ZMIZ1: variants seen among roughly 807,000 people sequenced by gnomAD.
ZMIZ1 encodes the protein zinc finger MIZ domain-containing protein 1.
ZMIZ1 carries 17 observed loss-of-function variants against 113.9 expected under a neutral mutation model. The ratio of observed to expected loss-of-function variants is 0.15; its 90% confidence interval spans 0.10 to 0.22. The LOEUF (loss-of-function observed/expected upper bound fraction) is 0.22. Among genes scored for constraint, ZMIZ1 ranks in the 10% least tolerant of loss-of-function variants. ZMIZ1 has a pLI of 1.00. For synonymous variants in ZMIZ1, 607 were observed against 603.1 expected (o/e 1.01, Z -0.09); for missense variants, 1,059 against 1,477.8 (o/e 0.72, Z 4.65).
At chr10:79,284,253 G>A (rs1041003976) in intron 8 of ZMIZ1, among the ~76,000 whole-genome samples, 2 of 152,202 alleles carry the variant, frequency 1.3e-5, no homozygotes, top group African/African-American at 2.4e-5. Context: ...GCAGTGCAGA[G>A]AGCTCTCTAT....
intron 3 of ZMIZ1, among the ~76,000 whole-genome samples, chr10:79,143,634 G>T (rs570407867): frequency 6.6e-6 from 1 of 152,176 alleles, no homozygotes; most frequent in Admixed American, 6.5e-5. Context: ...GTGGTGGGGG[G>T]ACAGGTAAAG....
intron 2 of ZMIZ1, among the ~76,000 whole-genome samples, chr10:79,138,108 A>G (rs1267047066): frequency 6.6e-6 from 1 of 152,114 alleles, no homozygotes; most frequent in African/African-American, 2.4e-5. Flanking sequence ...AGGGTCTCCA[A>G]CCTGTGGGCA....
At chr10:79,231,517 T>C (rs1342801029) in intron 7 of ZMIZ1, among the ~76,000 whole-genome samples, 1 of 151,978 alleles carries the variant, frequency 6.6e-6, no homozygotes, top group Admixed American at 6.5e-5. Context: ...GTGCTAAGAT[T>C]ATAGGTGTGA....
chr10:79,262,472 C>G (rs778945592), intron 7 of ZMIZ1, among the ~76,000 whole-genome samples: 1 of 152,252 alleles, frequency 6.6e-6, no homozygotes, highest in Non-Finnish European at 1.5e-5. Context: ...GTGTGTTACA[C>G]TGAGTAACAG....
chr10:79,172,869 C>A (rs932654403), intron 4 of ZMIZ1, among the ~76,000 whole-genome samples: 1 of 152,208 alleles, frequency 6.6e-6, no homozygotes, highest in South Asian at 2.1e-4. Context: ...TGGGCCCTTC[C>A]CCTGAATTGG....
chr10:79,198,133 C>A (rs1246314946), intron 4 of ZMIZ1, among the ~76,000 whole-genome samples: 1 of 152,016 alleles, frequency 6.6e-6, no homozygotes, highest in African/African-American at 2.4e-5. Context: ...GTGGTGGGCG[C>A]CTGTAGTCCC....
rs1844315195 is a variant in ZMIZ1 at position 79,122,096 on chromosome 10, C to T, written c.-227+3072C>T. ...CCTGTGTGACGGCCAGTGAAGCCAA[C>T]CCTGCTTGAGTAAGTGTAGCAATTG... On this transcript the variant is annotated intron_variant, in intron 2 of 24. Coordinates refer to ENST00000334512, the MANE Select transcript of ZMIZ1 (RefSeq NM_020338.4). 3.3e-5 allele frequency among the ~76,000 whole-genome samples: 5 copies of T among 152,120 alleles called. No individual in the cohort carries two copies. The South Asian group carries it at 1.0e-3, about 32-fold the overall frequency.
intron 3 of ZMIZ1, among the ~76,000 whole-genome samples, chr10:79,150,550 C>T (rs887899002): frequency 1.3e-5 from 2 of 152,228 alleles, no homozygotes; most frequent in African/African-American, 4.8e-5. Context: ...GGCTCTTGGT[C>T]TGGGATCCTC....
chr10:79,184,313 G>A (rs1847258365), intron 4 of ZMIZ1, among the ~76,000 whole-genome samples: 1 of 152,194 alleles, frequency 6.6e-6, no homozygotes, highest in Non-Finnish European at 1.5e-5. Context: ...TGCACACACA[G>A]CATTGTGAGC....
chr10:79,311,477 C>G (rs760280043), intron 24 of ZMIZ1, among the ~76,000 whole-genome samples: 16 of 152,176 alleles, frequency 1.1e-4, no homozygotes, highest in Admixed American at 2.6e-4. Flanking sequence ...TTGCGCAGCA[C>G]AGGAGGGTCC....
At chr10:79,305,993 G>T in intron 21 of ZMIZ1, 107 bp from the exon 22 acceptor site, 1 of 1,503,916 alleles carries the variant, frequency 6.6e-7, no homozygotes, top group Non-Finnish European at 8.9e-7. Context: ...GAGAGTGGGA[G>T]CAGGGGCCTC....
chr10:79,094,316 G>A (rs566102965), intron 1 of ZMIZ1, among the ~76,000 whole-genome samples: 313 of 152,088 alleles, frequency 2.1e-3, no homozygotes, highest in Middle Eastern at 3.4e-3. Flanking sequence ...GGGCCAAGGC[G>A]GCCTCTGCTC....
At chr10:79,083,945 G>A (rs1369468766) in intron 1 of ZMIZ1, among the ~76,000 whole-genome samples, 4 of 152,118 alleles carry the variant, frequency 2.6e-5, no homozygotes, top group Admixed American at 6.5e-5. Context: ...GGCATAGTGG[G>A]TCTTCCTGAT....
chr10:79,295,859 G>T (rs1358559522), intron 12 of ZMIZ1: 3 of 152,298 alleles, frequency 2.0e-5, no homozygotes, highest in Non-Finnish European at 4.4e-5. Flanking sequence ...CTGGAGGGTG[G>T]TGCTCTCTCC....
chr10:79,127,747 G>A (rs1844580448), intron 2 of ZMIZ1, among the ~76,000 whole-genome samples: 1 of 152,162 alleles, frequency 6.6e-6, no homozygotes, highest in South Asian at 2.1e-4. Context: ...TCAGGAGCAG[G>A]CCCTTTGCAG....
chr10:79,169,951 A>G (rs1033877812), intron 4 of ZMIZ1, among the ~76,000 whole-genome samples: 1 of 152,194 alleles, frequency 6.6e-6, no homozygotes, highest in African/African-American at 2.4e-5. Context: ...CCCTCTCCAG[A>G]GACAATGGAC....
At chr10:79,271,941 CTT>C in intron 7 of ZMIZ1, among the ~76,000 whole-genome samples, 1 of 152,274 alleles carries the variant, frequency 6.6e-6, no homozygotes, top group East Asian at 1.9e-4. Flanking sequence ...ATGCCAGACA[CTT>C]TTAAACACTT....
At chr10:79,152,869 A>C (rs189700173) in intron 3 of ZMIZ1, among the ~76,000 whole-genome samples, 186 of 152,312 alleles carry the variant, frequency 1.2e-3, no homozygotes, top group Non-Finnish European at 2.2e-3. Context: ...CTGCCCATTC[A>C]TTCTTCCAGA....
chr10:79,315,369 T>C lies in ZMIZ1; in HGVS notation c.*2620T>C, dbSNP rs1855466997. The C allele has an allele frequency of 6.5e-6, 1 of 152,808 alleles. No homozygotes were observed. Among genetic ancestry groups the C allele is most frequent in the Non-Finnish European group, 1.5e-5 (1 of 68,082 alleles). The allele number at this position is 152,808 out of a possible 1,614,324, so 9.5% of individuals were successfully genotyped here. A position where few individuals can be genotyped will look rare whatever the true frequency, so the allele number is the denominator to read the frequency against. On this transcript the variant is annotated 3_prime_UTR_variant, in exon 25 of 25. Transcript: ENST00000334512. ...AGACAACGCCCATAAACAGAGATGG[T>C]CCTGAACTCTGGAGAGATCCTTCCC...
Sources: allele counts gnomAD v4.1 joint callset (sites outside exome capture counted in the v4.1 genomes callset), GRCh38; gene constraint gnomAD v4.1.1; transcripts MANE v1.5; gene names NCBI Gene and HGNC (gene_info 2026-07-23, HGNC 2026-07-21).